The following ADA variants were observed in gnomAD, a reference collection of about 807,000 sequenced individuals.
The protein encoded by ADA is adenosine deaminase.
Under a neutral mutation model 49.0 loss-of-function variants are expected in ADA, and 45 were observed. The ratio of observed to expected loss-of-function variants is 0.92; its 90% confidence interval spans 0.72 to 1.18. The LOEUF is 1.18. Among genes scored for constraint, ADA ranks in the 50% most tolerant of loss-of-function variants. The pLI, the probability that ADA is intolerant of heterozygous loss-of-function variation, is 0.00. For synonymous variants in ADA, 173 were observed against 184.2 expected (o/e 0.94, Z 0.49); for missense variants, 445 against 472.5 (o/e 0.94, Z 0.54).
chr20:44,624,238 T>C lies in ADA; in HGVS notation c.570A>G (p.Gly190=). Residue 190 remains glycine (G), a synonymous_variant, in exon 6 of 12, where the codon GGA becomes GGG. Coordinates refer to ENST00000372874, the MANE Select transcript of ADA (RefSeq NM_000022.4). The part of the protein sequence containing the change: ...IDLAGDETIP[G]SSLLPGHVQA... ...GGACATGTCCAGGCAAGAGGCTGCTTCCTGGGATGGTCTCATCTCCAGCCA... is the reference window on the plus strand; with the variant it reads ...GGACATGTCCAGGCAAGAGGCTGCTCCCTGGGATGGTCTCATCTCCAGCCA... 6.2e-7 allele frequency: 1 copy of C among 1,613,868 alleles called. No homozygotes were observed. The highest frequency in any genetic ancestry group is 8.5e-7 in the Non-Finnish European group (1 of 1,179,886).
At chr20:44,625,541 C>A in intron 5 of ADA, 28 bp downstream of exon 5, 3 of 1,552,500 alleles carry the variant, frequency 1.9e-6, no homozygotes, top group Non-Finnish European at 2.6e-6. Flanking sequence ...AGACGGGCGG[C>A]CCTGGGCAGG....
Position 44,640,983 on chromosome 20 carries a change from G to GC in ADA, c.34-4696dup, listed in dbSNP as rs150899053. Among the ~76,000 whole-genome samples the GC allele has an allele frequency of 8.5e-5, 13 of 152,094 alleles. No homozygotes were observed. In the East Asian group the frequency reaches 2.3e-3, roughly 27 times the overall value. On this transcript the variant is annotated intron_variant, in intron 1 of 11. Transcript: ENST00000372874. ...ATGATATCTTGATGTTGGACTTCTG[G>GC]CCCCCAGAACTGCCAGGGCACACGT...
In ADA at chr20:44,619,586, G is replaced by A. The variant is rs766493062; in HGVS notation, c.*248C>T. 2.1e-5 allele frequency: 11 copies of A among 516,350 alleles called. No individual in the cohort carries two copies. The highest frequency in any genetic ancestry group is 3.9e-5 in the Non-Finnish European group (11 of 284,930). The allele number at this position is 516,350 out of a possible 1,614,324, so 32.0% of individuals were successfully genotyped here. A position where few individuals can be genotyped will look rare whatever the true frequency, so the allele number is the denominator to read the frequency against. Reference sequence around the variant, plus strand: ...ATTTTCAGTACAAGTTGCCACAGAAGGAGGGTTTCAGATTCAACCATGCCC... The same window carrying A: ...ATTTTCAGTACAAGTTGCCACAGAAAGAGGGTTTCAGATTCAACCATGCCC... On this transcript the variant is annotated 3_prime_UTR_variant, in exon 12 of 12. Coordinates refer to ENST00000372874, the MANE Select transcript of ADA (RefSeq NM_000022.4).
At chr20:44,634,883 G>A (rs754576242) in intron 2 of ADA, among the ~76,000 whole-genome samples, 1 of 152,222 alleles carries the variant, frequency 6.6e-6, no homozygotes, top group Non-Finnish European at 1.5e-5. Context: ...TTTGGGTCCC[G>A]AGCTGAATTT....
In ADA at chr20:44,626,308, A is replaced by G. The variant is rs576322796; in HGVS notation, c.362+148T>C. 804 of 1,092,234 alleles carry G rather than the reference A, an allele frequency of 7.4e-4. 5 individuals carry two copies. Among genetic ancestry groups the G allele is most frequent in the Middle Eastern group, 7.1e-3 (25 of 3,510 alleles). The allele number at this position is 1,092,234 out of a possible 1,614,324, so 67.7% of individuals were successfully genotyped here. ...ACCACGTCTCTTGTGACAGAGTTAA[A>G]CCCATCTTTCTGAGGCCATGGACCA... On this transcript the variant is annotated intron_variant, in intron 4 of 11. Transcript: ENST00000372874.
intron 1 of ADA, among the ~76,000 whole-genome samples, chr20:44,639,937 G>A (rs764124528): frequency 3.9e-5 from 6 of 152,022 alleles, no homozygotes; most frequent in African/African-American, 1.2e-4. Flanking sequence ...ATGGCCTTAC[G>A]GAGGAGGCTG....
chr20:44,634,713 T>C (rs2065464059), intron 2 of ADA, among the ~76,000 whole-genome samples: 1 of 152,154 alleles, frequency 6.6e-6, no homozygotes, highest in Non-Finnish European at 1.5e-5. Context: ...TCCCTGGAAG[T>C]GCGAAAAGAT....
At chr20:44,621,471 C>T (rs182255804) in intron 9 of ADA, among the ~76,000 whole-genome samples, 9 of 152,194 alleles carry the variant, frequency 5.9e-5, no homozygotes, top group Admixed American at 1.3e-4. Context: ...CCTCCGGCTG[C>T]CACCCTCTCC....
intron 1 of ADA, among the ~76,000 whole-genome samples, chr20:44,644,318 C>T (rs1042389924): frequency 2.0e-5 from 3 of 152,068 alleles, no homozygotes; most frequent in Non-Finnish European, 2.9e-5. Flanking sequence ...GTCATCATGT[C>T]GTGTCCTCAG....
chr20:44,644,297 A>G (rs1280938634), intron 1 of ADA, among the ~76,000 whole-genome samples: 1 of 151,220 alleles, frequency 6.6e-6, no homozygotes, highest in Non-Finnish European at 1.5e-5. Flanking sequence ...GAGAGGGGGG[A>G]CCTTGTCTGT....
intron 10 of ADA, chr20:44,620,703 T>G: frequency 1.8e-6 from 1 of 559,956 alleles, no homozygotes; most frequent in Non-Finnish European, 3.2e-6. Flanking sequence ...TTATTCAGCC[T>G]GGGATTTAAG....
intron 1 of ADA, among the ~76,000 whole-genome samples, chr20:44,641,330 C>T (rs369741067): frequency 5.9e-5 from 9 of 152,024 alleles, no homozygotes; most frequent in African/African-American, 1.9e-4. Flanking sequence ...GTAGAGGAAC[C>T]GTTCTAGAGG....
chr20:44,626,762 A>G (rs911092013), intron 3 of ADA, among the ~76,000 whole-genome samples, 163 bp from the exon 4 acceptor site: 3 of 152,058 alleles, frequency 2.0e-5, no homozygotes, highest in Admixed American at 6.5e-5. Context: ...GGCAAGTCCT[A>G]TCAGCTCTAC....
At chr20:44,625,285 G>A (rs1474954211) in intron 5 of ADA, among the ~76,000 whole-genome samples, 1 of 152,180 alleles carries the variant, frequency 6.6e-6, no homozygotes, top group Non-Finnish European at 1.5e-5. Flanking sequence ...TCAGAATCTA[G>A]CCTAGATTTT....
At position 44,636,264 on chromosome 20, in the gene ADA, C is replaced by T. The variant is rs121908724; in HGVS notation, c.58G>A (p.Gly20Arg). 17 of 1,609,386 alleles carry T rather than the reference C, an allele frequency of 1.1e-5. No individual in the cohort carries two copies. The highest frequency in any genetic ancestry group is 1.4e-5 in the Non-Finnish European group (17 of 1,177,710). Residue 20 changes from glycine to arginine, a missense_variant, in exon 2 of 12, where the codon GGA becomes AGA. Coordinates refer to ENST00000372874, the MANE Select transcript of ADA (RefSeq NM_000022.4). The part of the protein sequence containing the change: ...PKVELHVHLD[G>R]SIKPETILYY... ...AAGATGGTTTCAGGCTTGATGGATC[C>T]GTCTAGGTGGACATGCAGTTCCACC...
At chr20:44,635,378 C>T (rs1300575522) in intron 2 of ADA, among the ~76,000 whole-genome samples, 1 of 152,146 alleles carries the variant, frequency 6.6e-6, no homozygotes, top group Non-Finnish European at 1.5e-5. Context: ...GGTCAGACAG[C>T]CTTGGGTTCA....
intron 1 of ADA, among the ~76,000 whole-genome samples, chr20:44,637,887 G>A (rs1350562258): frequency 3.3e-5 from 5 of 152,182 alleles, no homozygotes; most frequent in East Asian, 1.9e-4. Flanking sequence ...CCAGCCAAAC[G>A]TCTGTTTCTC....
chr20:44,624,404 C>T (rs192964810), intron 5 of ADA, 75 bp from the exon 6 acceptor site: 655 of 1,598,960 alleles, frequency 4.1e-4, no homozygotes, highest in Non-Finnish European at 5.0e-4. Flanking sequence ...GCCTGCTGTC[C>T]CACCCAAACC....
At chr20:44,637,403 C>T (rs936587429) in intron 1 of ADA, among the ~76,000 whole-genome samples, 4 of 152,178 alleles carry the variant, frequency 2.6e-5, no homozygotes, top group East Asian at 1.9e-4. Context: ...CAGCCCCTGC[C>T]GCTCAGTCAG....
Sources: allele counts gnomAD v4.1 joint callset (sites outside exome capture counted in the v4.1 genomes callset), GRCh38; gene constraint gnomAD v4.1.1; transcripts MANE v1.5; gene names NCBI Gene and HGNC (gene_info 2026-07-23, HGNC 2026-07-21).